Variants in MGMT observed in about 807,000 individuals in gnomAD.
MGMT encodes the protein O-6-methylguanine-DNA methyltransferase.
A neutral mutation model predicts 15.9 loss-of-function variants in MGMT; 14 were observed. The ratio of observed to expected loss-of-function variants is 0.88; its 90% CI spans 0.58 to 1.37. MGMT has a LOEUF of 1.37. MGMT is among the 40% of genes most tolerant of loss of function. The probability of loss-of-function intolerance (pLI) is 0.00; values close to 1 mark genes in which losing one functional copy is unlikely to be tolerated. For missense variants in MGMT, 282 were observed against 268.1 expected (o/e 1.05, Z -0.36); for synonymous variants, 130 against 118.2 (o/e 1.10, Z -0.65).
chr10:129,637,989 G>A (rs544495120), intron 2 of MGMT, among the ~76,000 whole-genome samples: 16 of 152,306 alleles, frequency 1.1e-4, no homozygotes, highest in African/African-American at 3.1e-4. Context: ...CCTTGCACTC[G>A]CGGGAGAGTG....
intron 3 of MGMT, among the ~76,000 whole-genome samples, chr10:129,710,995 T>A (rs949788089): frequency 2.0e-5 from 3 of 152,206 alleles, no homozygotes; most frequent in African/African-American, 7.2e-5. Context: ...TCAACATTTT[T>A]AAAAATGTGA....
At chr10:129,702,709 G>A (rs1204079513) in intron 2 of MGMT, among the ~76,000 whole-genome samples, 1 of 152,242 alleles carries the variant, frequency 6.6e-6, no homozygotes, top group Admixed American at 6.5e-5. Context: ...CGGAGCTGCA[G>A]GATTTGGGCT....
At chr10:129,735,092 G>A (rs1331788131) in intron 3 of MGMT, among the ~76,000 whole-genome samples, 1 of 152,196 alleles carries the variant, frequency 6.6e-6, no homozygotes. Flanking sequence ...AGTTAGGGAG[G>A]ATTCCCTCCT....
At chr10:129,705,087 C>T (rs558019487) in intron 2 of MGMT, among the ~76,000 whole-genome samples, 15 of 152,324 alleles carry the variant, frequency 9.8e-5, no homozygotes, top group East Asian at 5.8e-4. Flanking sequence ...TTCTCCCTGC[C>T]GCCCCGTGGG....
chr10:129,548,509 A>G (rs1263639724), intron 2 of MGMT, among the ~76,000 whole-genome samples: 2 of 152,260 alleles, frequency 1.3e-5, no homozygotes, highest in Non-Finnish European at 2.9e-5. Flanking sequence ...ATTAAAAAGA[A>G]AACTGGGCCA....
chr10:129,764,100 G>A (rs963757579), intron 4 of MGMT, among the ~76,000 whole-genome samples: 4 of 152,240 alleles, frequency 2.6e-5, no homozygotes, highest in Non-Finnish European at 5.9e-5. Flanking sequence ...AACAGTCCAC[G>A]TCAAGGAGGA....
intron 1 of MGMT, among the ~76,000 whole-genome samples, chr10:129,493,123 A>G (rs1845486087): frequency 6.6e-6 from 1 of 152,122 alleles, no homozygotes; most frequent in Admixed American, 6.5e-5. Context: ...ATTAATTTAT[A>G]TGGGCTGAGC....
intron 4 of MGMT, among the ~76,000 whole-genome samples, chr10:129,764,625 G>A (rs540344767): frequency 6.6e-5 from 10 of 152,356 alleles, no homozygotes; most frequent in African/African-American, 2.4e-4. Context: ...GGAGCGTGGG[G>A]AAGCTGGGCA....
At chr10:129,729,541 GCTC>G (rs1181625927) in intron 3 of MGMT, among the ~76,000 whole-genome samples, 14 of 152,224 alleles carry the variant, frequency 9.2e-5, no homozygotes, top group Non-Finnish European at 1.9e-4. Context: ...TCCAGGCACA[GCTC>G]CTTTTGAATT....
intron 2 of MGMT, among the ~76,000 whole-genome samples, chr10:129,704,355 C>T (rs1248614726): frequency 6.6e-6 from 1 of 152,116 alleles, no homozygotes; most frequent in East Asian, 1.9e-4. Context: ...CGGCTTCCCC[C>T]AGGGCCTCTT....
rs1430598961 is a variant in MGMT at position 129,533,145 on chromosome 10, G to T, written c.-12-3096G>T. On this transcript the variant is annotated intron_variant, in intron 1 of 4. Transcript: ENST00000651593. This position sits in a 1 kb window ranked among gnomAD's most constrained non-coding sequence, Gnocchi z 4.5. ...CCAGCTGCCCTGCCTGCTGTGCCTG[G>T]TTGCCCCACAGATGTTTCCTGAAGC... 6.6e-6 allele frequency among the ~76,000 whole-genome samples: 1 copy of T among 152,242 alleles called. No homozygotes were observed. Among genetic ancestry groups the T allele is most frequent in the East Asian group, 1.9e-4 (1 of 5,206 alleles).
chr10:129,603,410 A>T (rs1846848658), intron 2 of MGMT, among the ~76,000 whole-genome samples: 1 of 152,234 alleles, frequency 6.6e-6, no homozygotes, highest in African/African-American at 2.4e-5. Flanking sequence ...TAATTAGCTT[A>T]AGCTTTGGGT....
At chr10:129,693,296 T>C (rs80327723) in intron 2 of MGMT, among the ~76,000 whole-genome samples, 8,131 of 152,282 alleles carry the variant, frequency 0.053, 318 homozygotes, top group Non-Finnish European at 0.081. Flanking sequence ...ATTATAAAGG[T>C]CAATGCCACT....
chr10:129,755,716 C>G (rs1264795423), intron 3 of MGMT, among the ~76,000 whole-genome samples: 1 of 152,266 alleles, frequency 6.6e-6, no homozygotes, highest in Non-Finnish European at 1.5e-5. Flanking sequence ...AGAGGGCCAG[C>G]TGCCTGGCCA....
intron 2 of MGMT, among the ~76,000 whole-genome samples, chr10:129,592,170 G>A (rs370158345): frequency 3.7e-4 from 57 of 152,310 alleles, no homozygotes; most frequent in African/African-American, 1.4e-3. Flanking sequence ...ACCATTGAAA[G>A]TATCACTGAC....
chr10:129,616,518 C>T (rs533778092), intron 2 of MGMT, among the ~76,000 whole-genome samples: 17 of 152,284 alleles, frequency 1.1e-4, no homozygotes, highest in African/African-American at 3.8e-4. Flanking sequence ...CTCCCGCCAT[C>T]CTCCCAGGCC....
At chr10:129,521,156 C>G (rs939945819) in intron 1 of MGMT, among the ~76,000 whole-genome samples, 1 of 152,162 alleles carries the variant, frequency 6.6e-6, no homozygotes, top group Non-Finnish European at 1.5e-5. Flanking sequence ...GTGTCTGGGC[C>G]TCTCAGAGCT....
At position 129,770,759 on chromosome 10, in the gene MGMT, C is replaced by T. The variant is rs111429880; in HGVS notation, c.*3762C>T. The stretch of plus-strand genomic sequence containing the variant: ...TTTTACTGAAAGACCAATCCCGAAA[C>T]GGCCCTTGCTTCGGCCACAGCTGCT... On this transcript the variant is annotated 3_prime_UTR_variant, in exon 5 of 5. Coordinates refer to ENST00000651593, the MANE Select transcript of MGMT (RefSeq NM_002412.5). 0.015 allele frequency among the ~76,000 whole-genome samples: 2,276 copies of T among 152,292 alleles called. 60 individuals are homozygous for T. The highest frequency in any genetic ancestry group is 0.051 in the African/African-American group (2,139 of 41,550).
chr10:129,609,290 C>T (rs1439566784), intron 2 of MGMT, among the ~76,000 whole-genome samples: 6 of 152,050 alleles, frequency 3.9e-5, no homozygotes, highest in South Asian at 2.1e-4. Flanking sequence ...ATCGTTGGCC[C>T]GATCTGGAGC....
Sources: gnomAD v4.1 joint callset for allele counts (sites outside exome capture counted in the v4.1 genomes callset) on GRCh38, gnomAD v4.1.1 for gene constraint, Gnocchi (gnomAD v3.1) non-coding constraint, MANE v1.5 for transcripts, NCBI Gene and HGNC (gene_info 2026-07-23, HGNC 2026-07-21) for gene names.